The following CPA6 variants were observed in gnomAD, a reference collection of about 807,000 sequenced individuals.
CPA6 encodes the protein carboxypeptidase A6, also known as carboxypeptidase B.
Under a neutral mutation model 63.3 loss-of-function variants are expected in CPA6, and 58 were observed. The observed-to-expected ratio is 0.92, with a 90% confidence interval of 0.74 to 1.14. The LOEUF is 1.14. CPA6 is among the 50% of genes most tolerant of loss of function. The pLI is 0.00. For missense variants in CPA6, 565 were observed against 526.6 expected, an observed-to-expected ratio of 1.07 and a Z score of -0.71; for synonymous variants, 185 against 179.0, an observed-to-expected ratio of 1.03 and a Z score of -0.27.
At chr8:67,453,844 A>T (rs887622026) in intron 8 of CPA6, among the ~76,000 whole-genome samples, 1 of 152,238 alleles carries the variant, frequency 6.6e-6, no homozygotes, top group South Asian at 2.1e-4. Flanking sequence ...CTAATATTAG[A>T]GACATAATAA....
In CPA6 at chr8:67,541,696, C is replaced by A. The variant is rs541909880; in HGVS notation, c.193-23649G>T. ...CTCGGTGTCTGAGGGGTTTTGTCTG[C>A]GGCTTGTCCTGCTACAATGGCACGA... On this transcript the variant is annotated intron_variant, in intron 2 of 10. Coordinates refer to ENST00000297770, the MANE Select transcript of CPA6 (RefSeq NM_020361.5). Among the ~76,000 whole-genome samples, 6 of 152,256 alleles carry A rather than the reference C, an allele frequency of 3.9e-5. No individual in the cohort carries two copies. In the South Asian group the frequency reaches 1.0e-3, roughly 26 times the overall value.
chr8:67,577,535 A>G (rs919627715), intron 2 of CPA6, among the ~76,000 whole-genome samples: 2 of 152,152 alleles, frequency 1.3e-5, no homozygotes, highest in Non-Finnish European at 2.9e-5. Flanking sequence ...TCGAAGCGTA[A>G]GAAAGATGGC....
At chr8:67,592,952 T>A (rs1159554658) in intron 2 of CPA6, among the ~76,000 whole-genome samples, 1 of 151,546 alleles carries the variant, frequency 6.6e-6, no homozygotes, top group Non-Finnish European at 1.5e-5. Flanking sequence ...GCTCTTGCTT[T>A]TCTAGCTCTT....
At chr8:67,709,207 T>C (rs1817202203) in intron 1 of CPA6, among the ~76,000 whole-genome samples, 1 of 152,166 alleles carries the variant, frequency 6.6e-6, no homozygotes, top group Admixed American at 6.5e-5. Context: ...ACTGTGCATG[T>C]GGGCAGGCCA....
At chr8:67,573,430 A>C (rs1412617970) in intron 2 of CPA6, among the ~76,000 whole-genome samples, 1 of 152,238 alleles carries the variant, frequency 6.6e-6, no homozygotes, top group Non-Finnish European at 1.5e-5. Flanking sequence ...AAAGTTGCAG[A>C]ATATAAAATT....
chr8:67,511,383 G>A (rs1419093737), intron 4 of CPA6, among the ~76,000 whole-genome samples, 158 bp downstream of exon 4: 2 of 152,112 alleles, frequency 1.3e-5, no homozygotes, highest in Non-Finnish European at 2.9e-5. Context: ...GAGATAAGGT[G>A]CCTGGGCCAT....
chr8:67,464,468 T>C (rs1810882007), intron 8 of CPA6, among the ~76,000 whole-genome samples: 1 of 152,222 alleles, frequency 6.6e-6, no homozygotes, highest in African/African-American at 2.4e-5. Context: ...ACTTTGTAGA[T>C]TGTCTGTTTA....
At position 67,475,872 on chromosome 8, in the gene CPA6, TTTCTTTCTC is replaced by T. The variant is rs1563967921; in HGVS notation, c.838+7887_838+7895del. Among the ~76,000 whole-genome samples the T allele has an allele frequency of 8.0e-4, 72 of 90,452 alleles. 2 individuals carry two copies. Among genetic ancestry groups the T allele is most frequent in the African/African-American group, 2.5e-3 (56 of 22,468 alleles). 59.3% of individuals were successfully genotyped at this position (90,452 alleles called of 152,430 possible). On this transcript the variant is annotated intron_variant, in intron 8 of 10. Coordinates refer to ENST00000297770, the MANE Select transcript of CPA6 (RefSeq NM_020361.5). ...CTTTCTTTCTTTCTTTCTTTCTTTC[TTTCTTTCTC>T]CTTTCTTTCTTTCTTTCTTTCTTTC...
intron 2 of CPA6, among the ~76,000 whole-genome samples, chr8:67,552,774 CAAAAAAAAA>C (rs762395117): frequency 2.9e-4 from 6 of 20,932 alleles, no homozygotes; most frequent in East Asian, 2.3e-3. Flanking sequence ...AAGACTGTCT[CAAAAAAAAA>C]AAAAAAAAAA....
intron 6 of CPA6, among the ~76,000 whole-genome samples, chr8:67,501,068 A>T (rs891463196): frequency 1.3e-4 from 19 of 152,000 alleles, no homozygotes; most frequent in Admixed American, 3.9e-4. Context: ...CATTCCATAT[A>T]CTTTTAAGAA....
At chr8:67,715,219 GCCAGCCTCACAAGCCTGCCTCTA>G (rs2129000884) in intron 1 of CPA6, among the ~76,000 whole-genome samples, 1 of 152,256 alleles carries the variant, frequency 6.6e-6, no homozygotes, top group East Asian at 1.9e-4. Context: ...TAAGGGCTCA[GCCAGCCTCACAAGCCTGCCTCTA>G]CTTCCAATGC....
intron 1 of CPA6, 77 bp downstream of exon 1, chr8:67,745,937 G>T: frequency 1.0e-6 from 1 of 992,842 alleles, no homozygotes; most frequent in Non-Finnish European, 1.5e-6. Context: ...ATCAGAAAAA[G>T]TGAGGCACAC....
At chr8:67,433,786 G>A (rs776044847) in intron 9 of CPA6, among the ~76,000 whole-genome samples, 10 of 152,192 alleles carry the variant, frequency 6.6e-5, no homozygotes, top group Non-Finnish European at 1.3e-4. Flanking sequence ...TCCTGGCTAT[G>A]AGACTTAGTA....
chr8:67,543,112 C>A (rs998242539), intron 2 of CPA6, among the ~76,000 whole-genome samples: 1 of 152,166 alleles, frequency 6.6e-6, no homozygotes, highest in African/African-American at 2.4e-5. Context: ...TATGGCTAAT[C>A]CAGTTTTTCT....
intron 8 of CPA6, among the ~76,000 whole-genome samples, chr8:67,437,252 G>A (rs1810182172): frequency 6.6e-6 from 1 of 152,134 alleles, no homozygotes; most frequent in Non-Finnish European, 1.5e-5. Context: ...AAAATTAGCC[G>A]GGTGTGGTGG....
At chr8:67,665,905 G>A (rs1457531729) in intron 1 of CPA6, among the ~76,000 whole-genome samples, 2 of 152,194 alleles carry the variant, frequency 1.3e-5, no homozygotes, top group Non-Finnish European at 2.9e-5. Context: ...TAAGGGTAAA[G>A]GTTTAGTGCA....
rs192236334 is a variant in CPA6 at position 67,640,121 on chromosome 8, C to T, written c.117-15870G>A. Among the ~76,000 whole-genome samples the T allele has an allele frequency of 4.6e-5, 7 of 151,350 alleles. No individual in the cohort carries two copies. In the East Asian group the frequency reaches 7.8e-4, roughly 17 times the overall value. On this transcript the variant is annotated intron_variant, in intron 1 of 10. Transcript: ENST00000297770. ...TGGTCCATGGGCAGCCATGGGTGGG[C>T]GTGGAAAAGGCACCACAAATTCCCA...
intron 1 of CPA6, among the ~76,000 whole-genome samples, chr8:67,741,445 C>T (rs1817910845): frequency 6.6e-6 from 1 of 152,334 alleles, no homozygotes; most frequent in South Asian, 2.1e-4. Flanking sequence ...TCCCAAAACT[C>T]CTGGCCACAG....
At chr8:67,495,361 G>A (rs1037556384) in intron 6 of CPA6, among the ~76,000 whole-genome samples, 2 of 152,144 alleles carry the variant, frequency 1.3e-5, no homozygotes, top group African/African-American at 4.8e-5. Context: ...AATGCATTGA[G>A]GAAAGGGTTA....
Sources: gnomAD v4.1 joint callset for allele counts (sites outside exome capture counted in the v4.1 genomes callset) on GRCh38, gnomAD v4.1.1 for gene constraint, MANE v1.5 for transcripts, NCBI Gene and HGNC (gene_info 2026-07-23, HGNC 2026-07-21) for gene names.